The following CCDC18 variants were observed in gnomAD, a reference collection of about 807,000 sequenced individuals.
The protein encoded by CCDC18 is coiled-coil domain-containing protein 18.
Under a neutral mutation model 196.0 loss-of-function variants are expected in CCDC18, and 157 were observed. That is an observed-to-expected ratio of 0.80 (90% CI 0.70 to 0.91). The LOEUF (loss-of-function observed/expected upper bound fraction) is 0.91. Among genes scored for constraint, CCDC18 ranks in the 40% least tolerant of loss-of-function variants. The pLI is 0.00. For synonymous variants in CCDC18, 482 were observed against 529.2 expected (o/e 0.91, Z 1.22); for missense variants, 1,465 against 1,611.6 (o/e 0.91, Z 1.56).
intron 22 of CCDC18, among the ~76,000 whole-genome samples, chr1:93,246,432 C>G (rs1008762399): frequency 6.6e-6 from 1 of 152,078 alleles, no homozygotes; most frequent in Admixed American, 6.5e-5. Context: ...CTTTTGATCT[C>G]TTATATTACC....
chr1:93,252,001 TTATC>T (rs200823846), intron 23 of CCDC18, among the ~76,000 whole-genome samples: 116 of 135,178 alleles, frequency 8.6e-4, no homozygotes, highest in African/African-American at 2.4e-3. Context: ...TGTAGTCTAT[TTATC>T]TATCTATCTG....
At position 93,254,580 on chromosome 1, in the gene CCDC18, A is replaced by G; in HGVS notation, c.3308A>G (p.Glu1103Gly). Residue 1103 changes from glutamate to glycine, a missense_variant, in exon 24 of 29, where the codon GAA becomes GGA. Transcript: ENST00000690025. ...QEISQLKKEIERTQQRMKEME... is the reference protein window; with the variant it reads ...QEISQLKKEIGRTQQRMKEME... ...ATAAGTCAACTGAAAAAAGAAATTG[A>G]AAGAACACAACAAAGGATGAAAGAA... 6.2e-7 allele frequency: 1 copy of G among 1,611,246 alleles called. No homozygotes were observed.
At chr1:93,191,848 AATGTTG>A (rs1438394555) in intron 4 of CCDC18, 146 bp from the exon 5 acceptor site, 1 of 567,314 alleles carries the variant, frequency 1.8e-6, no homozygotes, top group Non-Finnish European at 3.2e-6. Flanking sequence ...TGCCCATGTA[AATGTTG>A]ATCAAAGGAA....
intron 9 of CCDC18, among the ~76,000 whole-genome samples, chr1:93,208,323 T>C (rs1655036856): frequency 7.1e-6 from 1 of 140,730 alleles, no homozygotes; most frequent in Admixed American, 7.5e-5. Context: ...TTGTGGTTTT[T>C]CTTTTTTTTT....
intron 18 of CCDC18, among the ~76,000 whole-genome samples, chr1:93,233,715 C>A (rs1308289273): frequency 6.6e-6 from 1 of 152,190 alleles, no homozygotes; most frequent in Non-Finnish European, 1.5e-5. Flanking sequence ...TCTCCCACCT[C>A]AGCGACCTGA....
Position 93,269,405 on chromosome 1 carries a change from C to G in CCDC18, c.3886-942C>G, listed in dbSNP as rs375591233. ...CAAACCTGCACGTTGAGTACATGTA[C>G]CCTAGAACTTAAAGTATTTTTAAAA... On this transcript the variant is annotated intron_variant, in intron 27 of 28. Transcript: ENST00000690025. Among the ~76,000 whole-genome samples, 49 of 150,074 alleles carry G rather than the reference C, an allele frequency of 3.3e-4. No homozygotes were observed. In the South Asian group the frequency reaches 3.6e-3, roughly 11 times the overall value.
intron 25 of CCDC18, among the ~76,000 whole-genome samples, chr1:93,257,966 T>C (rs934076140): frequency 1.3e-5 from 2 of 151,942 alleles, no homozygotes; most frequent in Non-Finnish European, 2.9e-5. Flanking sequence ...ATAACTAGAC[T>C]CCTACCTGGT....
intron 6 of CCDC18, among the ~76,000 whole-genome samples, chr1:93,201,537 C>T (rs1423877595): frequency 6.6e-6 from 1 of 152,024 alleles, no homozygotes; most frequent in Non-Finnish European, 1.5e-5. Context: ...AGACAATAGA[C>T]TGATTCTGTA....
intron 6 of CCDC18, among the ~76,000 whole-genome samples, chr1:93,199,020 T>C (rs1034538048): frequency 1.3e-5 from 2 of 152,172 alleles, no homozygotes; most frequent in African/African-American, 4.8e-5. Flanking sequence ...AGGACTGACA[T>C]GGAGAAAGAA....
chr1:93,220,558 GACA>G (rs1229392416), intron 14 of CCDC18, among the ~76,000 whole-genome samples: 39 of 152,118 alleles, frequency 2.6e-4, no homozygotes, highest in African/African-American at 8.9e-4. Context: ...TAATACATGT[GACA>G]ACGACAGTGT....
chr1:93,252,007 A>ATCTG (rs753366394), intron 23 of CCDC18, among the ~76,000 whole-genome samples: 7 of 128,014 alleles, frequency 5.5e-5, no homozygotes, highest in African/African-American at 2.5e-4. Context: ...CTATTTATCT[A>ATCTG]TCTATCTGTC....
chr1:93,243,675 G>A (rs998931137), intron 21 of CCDC18, among the ~76,000 whole-genome samples: 36 of 152,074 alleles, frequency 2.4e-4, no homozygotes, highest in East Asian at 7.7e-4. Context: ...CACCAGATAC[G>A]CTAAATCATC....
chr1:93,216,935 C>CTCTCTT (rs781629982), intron 13 of CCDC18, among the ~76,000 whole-genome samples, 189 bp downstream of exon 13: 2 of 132,770 alleles, frequency 1.5e-5, no homozygotes, highest in African/African-American at 5.9e-5. Context: ...CAAGTTTTCT[C>CTCTCTT]TTTTTTTTTT....
intron 4 of CCDC18, chr1:93,190,606 G>A (rs1651586913): frequency 7.9e-6 from 2 of 254,744 alleles, no homozygotes; most frequent in South Asian, 1.6e-4. Context: ...GATGGTTAGG[G>A]AGGTGGTTCT....
rs772448332 is a variant in CCDC18, at chr1:93,201,966, A to G, written c.773A>G (p.Lys258Arg). Reference protein sequence around the residue: ...LSKAFQQYKKKVAEKLEKVQA... With the variant: ...LSKAFQQYKKRVAEKLEKVQA... ...AAAGCTTTCCAACAATATAAAAAAAAAGTGGCTGAAAAACTGGAAAAGGTA... is the reference window on the plus strand; with the variant it reads ...AAAGCTTTCCAACAATATAAAAAAAGAGTGGCTGAAAAACTGGAAAAGGTA... The change falls in exon 7 of 29, where the codon AAA (lysine) becomes AGA (arginine). Residue 258 changes from lysine to arginine, a missense_variant. Physicochemically the swap from Lys to Arg is conservative, Grantham distance 26. Coordinates refer to ENST00000690025, the MANE Select transcript of CCDC18 (RefSeq NM_001378204.1). 2 of 1,610,178 alleles carry G rather than the reference A, an allele frequency of 1.2e-6. No individual in the cohort carries two copies. Among genetic ancestry groups the G allele is most frequent in the East Asian group, 4.5e-5 (2 of 44,656 alleles).
In CCDC18 at chr1:93,205,554, T is replaced by C; in HGVS notation, c.840T>C (p.Cys280=). The C allele has an allele frequency of 6.3e-7, 1 of 1,591,360 alleles. No individual in the cohort carries two copies. Among genetic ancestry groups the C allele is most frequent in the Non-Finnish European group, 8.6e-7 (1 of 1,164,852 alleles). Reference sequence around the variant, plus strand: ...TATTAGAGAGAAATCTAACTAACTGTGAAAAAGAAAATAAAAGGCTACAAG... The same window carrying C: ...TATTAGAGAGAAATCTAACTAACTGCGAAAAAGAAAATAAAAGGCTACAAG... ...EEILERNLTN[C]EKENKRLQER... Residue 280 remains cysteine (C), a synonymous_variant, in exon 8 of 29, where the codon TGT becomes TGC. Coordinates refer to ENST00000690025, the MANE Select transcript of CCDC18 (RefSeq NM_001378204.1).
chr1:93,240,134 G>A (rs1351841606), intron 21 of CCDC18, among the ~76,000 whole-genome samples: 4 of 151,968 alleles, frequency 2.6e-5, no homozygotes, highest in Admixed American at 2.6e-4. Context: ...AAAATCATTG[G>A]GCATGCATAC....
chr1:93,246,598 A>G (rs1482711496), intron 22 of CCDC18, among the ~76,000 whole-genome samples: 1 of 152,150 alleles, frequency 6.6e-6, no homozygotes, highest in African/African-American at 2.4e-5. Context: ...ATTGAATGTC[A>G]CTATGTATTG....
intron 27 of CCDC18, among the ~76,000 whole-genome samples, chr1:93,265,642 C>G (rs201793904): frequency 6.6e-6 from 1 of 152,130 alleles, no homozygotes; most frequent in South Asian, 2.1e-4. Context: ...AATTGGCACT[C>G]TAGCCACTTT....
Sources: gnomAD v4.1 joint callset for allele counts (sites outside exome capture counted in the v4.1 genomes callset) on GRCh38, gnomAD v4.1.1 for gene constraint, MANE v1.5 for transcripts, NCBI Gene and HGNC (gene_info 2026-07-23, HGNC 2026-07-21) for gene names.